ADGRV1: variants seen among roughly 807,000 people sequenced by gnomAD.
The protein encoded by ADGRV1 is G-protein coupled receptor 98.
ADGRV1 carries 359 observed loss-of-function variants against 596.2 expected under a neutral mutation model. The ratio of observed to expected loss-of-function variants is 0.60; its 90% CI spans 0.55 to 0.66. ADGRV1 has a LOEUF of 0.66. ADGRV1 is among the 30% of genes least tolerant of loss of function. The probability of loss-of-function intolerance (pLI) is 0.00; values close to 1 mark genes in which losing one functional copy is unlikely to be tolerated. For missense variants in ADGRV1, 7,274 were observed against 7,575.6 expected (o/e 0.96, Z 1.48); for synonymous variants, 2,681 against 2,679.2 (o/e 1.00, Z -0.02).
chr5:91,102,332 A>C lies in ADGRV1; in HGVS notation c.18424A>C (p.Ser6142Arg). ...WMLVLFVIFN[S>R]LQGLYVFMVY... is the part of the protein sequence containing the mutation. ...GTTGGTTCTCTTTGTCATTTTCAACAGTCTGCAGGTAAGCCTTACAATTTG... is the reference window on the plus strand; with the variant it reads ...GTTGGTTCTCTTTGTCATTTTCAACCGTCTGCAGGTAAGCCTTACAATTTG... Residue 6142 changes from serine to arginine, a missense_variant, in exon 87 of 90, where the codon AGT becomes CGT. Physicochemically the swap from Ser to Arg is moderately radical, Grantham distance 110 (BLOSUM62 -1). Coordinates refer to ENST00000405460, the MANE Select transcript of ADGRV1 (RefSeq NM_032119.4). The C allele has an allele frequency of 6.3e-7, 1 of 1,594,568 alleles. No individual in the cohort carries two copies. Among genetic ancestry groups the C allele is most frequent in the Non-Finnish European group, 8.5e-7 (1 of 1,170,882 alleles).
intron 83 of ADGRV1, among the ~76,000 whole-genome samples, chr5:90,930,245 A>G (rs1049837515): frequency 6.6e-6 from 1 of 152,330 alleles, no homozygotes; most frequent in Non-Finnish European, 1.5e-5. Context: ...AGAAACATCG[A>G]TGCCAATATT....
chr5:90,597,251 T>A (rs1292707940), intron 1 of ADGRV1, among the ~76,000 whole-genome samples: 1 of 152,200 alleles, frequency 6.6e-6, no homozygotes, highest in Non-Finnish European at 1.5e-5. Flanking sequence ...TAGCTGACAA[T>A]ATGAGTGTTG....
At chr5:90,590,934 C>T (rs1283159143) in intron 1 of ADGRV1, among the ~76,000 whole-genome samples, 2 of 151,976 alleles carry the variant, frequency 1.3e-5, no homozygotes, top group Non-Finnish European at 2.9e-5. Flanking sequence ...TTCCCAGTGT[C>T]TGTAGTTTTC....
intron 6 of ADGRV1, 58 bp downstream of exon 6, chr5:90,625,301 C>T (rs1255295949): frequency 1.1e-5 from 12 of 1,070,926 alleles, no homozygotes; most frequent in African/African-American, 1.6e-5. Flanking sequence ...GGACACAGTC[C>T]TGTATAAACT....
chr5:90,669,084 G>A (rs985951233), intron 21 of ADGRV1, among the ~76,000 whole-genome samples: 1 of 152,186 alleles, frequency 6.6e-6, no homozygotes. Flanking sequence ...CTCATGAGAT[G>A]TTACGATCCC....
chr5:90,698,356 A>G (rs983385396), intron 34 of ADGRV1, among the ~76,000 whole-genome samples: 1 of 152,158 alleles, frequency 6.6e-6, no homozygotes, highest in Non-Finnish European at 1.5e-5. Flanking sequence ...GTATAATTGT[A>G]TACACCAGAT....
chr5:90,730,537 T>C (rs1752422158), intron 50 of ADGRV1, among the ~76,000 whole-genome samples: 2 of 152,234 alleles, frequency 1.3e-5, no homozygotes, highest in Non-Finnish European at 2.9e-5. Flanking sequence ...AAATCCTTTC[T>C]TGGTCTTCTG....
intron 1 of ADGRV1, among the ~76,000 whole-genome samples, chr5:90,599,410 T>C (rs1761123983): frequency 6.6e-6 from 1 of 152,198 alleles, no homozygotes; most frequent in East Asian, 1.9e-4. Context: ...CTGATAGCTG[T>C]TATTAACATT....
In ADGRV1 at chr5:90,646,059, T is replaced by C; in HGVS notation, c.2990T>C (p.Ile997Thr). Residue 997 changes from isoleucine to threonine, a missense_variant, in exon 16 of 90, where the codon ATT becomes ACT. Transcript: ENST00000405460. ...AATAGAACAACTGCAACTCTGAGGA[T>C]TAGAAGAAATGATGACCCCATTTAT... ...VGNRTTATLR[I>T]RRNDDPIYFA... The C allele has an allele frequency of 6.3e-7, 1 of 1,594,522 alleles. No individual in the cohort carries two copies. Among genetic ancestry groups the C allele is most frequent in the Non-Finnish European group, 8.6e-7 (1 of 1,169,442 alleles).
At chr5:90,809,898 ATAT>A (rs1762280215) in intron 73 of ADGRV1, among the ~76,000 whole-genome samples, 2 of 152,194 alleles carry the variant, frequency 1.3e-5, no homozygotes, top group African/African-American at 4.8e-5. Context: ...CATTGTAGTA[ATAT>A]TGTTCCCCTT....
At chr5:90,799,726 C>G (rs1446754071) in intron 70 of ADGRV1, among the ~76,000 whole-genome samples, 1 of 152,158 alleles carries the variant, frequency 6.6e-6, no homozygotes, top group Non-Finnish European at 1.5e-5. Flanking sequence ...GGTACCAAAA[C>G]AGATATATAG....
chr5:91,087,400 G>A (rs976745949), intron 86 of ADGRV1, among the ~76,000 whole-genome samples: 16 of 151,806 alleles, frequency 1.1e-4, no homozygotes, highest in African/African-American at 3.9e-4. Context: ...GAGTTCAAGC[G>A]ATTCTCCTGC....
chr5:90,887,135 T>C (rs1329972533), intron 83 of ADGRV1, among the ~76,000 whole-genome samples: 3 of 152,114 alleles, frequency 2.0e-5, no homozygotes, highest in African/African-American at 7.2e-5. Context: ...CTGTTAAGAC[T>C]GTATCACCAG....
At chr5:90,806,984 C>T (rs1282899479) in intron 72 of ADGRV1, among the ~76,000 whole-genome samples, 1 of 152,050 alleles carries the variant, frequency 6.6e-6, no homozygotes, top group Non-Finnish European at 1.5e-5. Flanking sequence ...TCCTGAGTAG[C>T]TGGGATTATA....
At chr5:90,976,346 A>ATATATATG (rs1305562775) in intron 84 of ADGRV1, among the ~76,000 whole-genome samples, 18 of 144,650 alleles carry the variant, frequency 1.2e-4, no homozygotes, top group African/African-American at 4.1e-4. Context: ...ATATATATAT[A>ATATATATG]TATGTATATG....
intron 59 of ADGRV1, among the ~76,000 whole-genome samples, chr5:90,773,591 G>A (rs1757919862): frequency 6.6e-6 from 1 of 152,080 alleles, no homozygotes; most frequent in South Asian, 2.1e-4. Flanking sequence ...TAAAGGTGAA[G>A]GTAAAAGAAA....
intron 70 of ADGRV1, chr5:90,791,742 T>G (rs1760106630): frequency 6.2e-6 from 1 of 161,748 alleles, no homozygotes; most frequent in African/African-American, 2.4e-5. Flanking sequence ...TGAAATAGAT[T>G]ACATGAAGAG....
chr5:90,681,935 C>T (rs1317154159), intron 27 of ADGRV1, among the ~76,000 whole-genome samples: 1 of 151,422 alleles, frequency 6.6e-6, no homozygotes, highest in African/African-American at 2.4e-5. Flanking sequence ...GGCGTGATCT[C>T]AGCTCACCAC....
At chr5:90,565,060 C>A (rs1167446418) in intron 1 of ADGRV1, among the ~76,000 whole-genome samples, 2 of 152,014 alleles carry the variant, frequency 1.3e-5, no homozygotes, top group Non-Finnish European at 2.9e-5. Flanking sequence ...CATGGTGAAA[C>A]CCTGTCTATA....
Sources: gnomAD v4.1 joint callset for allele counts (sites outside exome capture counted in the v4.1 genomes callset) on GRCh38, gnomAD v4.1.1 for gene constraint, MANE v1.5 for transcripts, NCBI Gene and HGNC (gene_info 2026-07-23, HGNC 2026-07-21) for gene names.